The following MAN1A1 variants were observed in gnomAD, a reference collection of about 807,000 sequenced individuals.
MAN1A1 encodes the protein mannosidase alpha class 1A member 1, also known as mannosyl-oligosaccharide 1,2-alpha-mannosidase IA.
Under a neutral mutation model 70.8 loss-of-function variants are expected in MAN1A1, and 29 were observed. That is an observed-to-expected ratio of 0.41 (90% CI 0.31 to 0.56). The LOEUF (loss-of-function observed/expected upper bound fraction) is 0.56. Ranked by LOEUF, MAN1A1 falls within the 20% of genes least tolerant of loss-of-function variation. The pLI is 0.29. For synonymous variants in MAN1A1, 349 were observed against 330.1 expected (o/e 1.06, Z -0.62); for missense variants, 747 against 841.3 (o/e 0.89, Z 1.39).
rs1773082957 is a variant in MAN1A1 at position 119,179,232 on chromosome 6, T to G, written c.*587A>C. ...AAATGAGGTCAACATGACATGATCC[T>G]TTTGGAATGACTTTCTAATTTGAAT... is the stretch of plus-strand genomic sequence containing the variant. On this transcript the variant is annotated 3_prime_UTR_variant, in exon 13 of 13. Transcript: ENST00000368468. 6.6e-6 allele frequency: 1 copy of G among 152,620 alleles called. No individual in the cohort carries two copies. Among genetic ancestry groups the G allele is most frequent in the Non-Finnish European group, 1.5e-5 (1 of 68,012 alleles). 9.5% of individuals were successfully genotyped at this position (152,620 alleles called of 1,614,324 possible).
intron 5 of MAN1A1, among the ~76,000 whole-genome samples, chr6:119,264,300 AC>A (rs1318194932): frequency 6.6e-6 from 1 of 152,242 alleles, no homozygotes; most frequent in Non-Finnish European, 1.5e-5. Flanking sequence ...AACTAGGTTA[AC>A]TCAGGTAATT....
At chr6:119,218,500 T>C (rs990547048) in intron 6 of MAN1A1, among the ~76,000 whole-genome samples, 33 of 152,186 alleles carry the variant, frequency 2.2e-4, no homozygotes, top group African/African-American at 7.5e-4. Flanking sequence ...CTATCAAATA[T>C]TAAACCACCG....
intron 5 of MAN1A1, among the ~76,000 whole-genome samples, chr6:119,283,779 C>T (rs1209971414): frequency 1.3e-5 from 2 of 152,042 alleles, no homozygotes; most frequent in Non-Finnish European, 2.9e-5. Context: ...AAAAGGTAGG[C>T]TGAGGCTGAA....
At chr6:119,182,665 G>A (rs967304148) in intron 11 of MAN1A1, among the ~76,000 whole-genome samples, 7 of 151,794 alleles carry the variant, frequency 4.6e-5, no homozygotes, top group East Asian at 1.9e-4. Flanking sequence ...AATTTCCATC[G>A]TACAAAAATT....
At chr6:119,209,699 C>G (rs995634933) in intron 6 of MAN1A1, among the ~76,000 whole-genome samples, 1 of 152,174 alleles carries the variant, frequency 6.6e-6, no homozygotes, top group Non-Finnish European at 1.5e-5. Context: ...CTTACAAACG[C>G]GTCCTTCCTG....
chr6:119,231,907 C>A (rs899046789), intron 6 of MAN1A1, among the ~76,000 whole-genome samples: 1 of 152,106 alleles, frequency 6.6e-6, no homozygotes, highest in African/African-American at 2.4e-5. Context: ...TATATAGTTG[C>A]CACTTTTAAC....
chr6:119,338,445 A>G (rs1389907331), intron 2 of MAN1A1, among the ~76,000 whole-genome samples: 1 of 152,204 alleles, frequency 6.6e-6, no homozygotes, highest in Non-Finnish European at 1.5e-5. Context: ...GGCCTCTCAC[A>G]TACAAAAGAT....
At position 119,191,759 on chromosome 6, in the gene MAN1A1, C is replaced by T. The variant is rs140660479; in HGVS notation, c.1327-1876G>A. Among the ~76,000 whole-genome samples, 1,083 of 152,242 alleles carry T rather than the reference C, an allele frequency of 7.1e-3. 9 individuals are homozygous for T. Among genetic ancestry groups the T allele is most frequent in the Middle Eastern group, 0.02 (6 of 294 alleles). On this transcript the variant is annotated intron_variant, in intron 9 of 12. Transcript: ENST00000368468. ...ATTAAAATAATCAAATAAAACATAT[C>T]ACTCTGGGATTAAATGCTTCCCAAA...
chr6:119,350,485 GTA>G (rs1773884072), upstream of MAN1A1: 1 of 981,610 alleles, frequency 1.0e-6, no homozygotes, highest in Non-Finnish European at 1.2e-6. Context: ...GAAAAAACTT[GTA>G]TGTCTCTCCC....
rs763795127 is a variant in MAN1A1, at chr6:119,189,733, T to C, written c.1477A>G (p.Met493Val). 1.6e-5 allele frequency: 26 copies of C among 1,614,010 alleles called. No individual in the cohort carries two copies. The South Asian group carries it at 2.4e-4, about 15-fold the overall frequency. ...CCGAGTTCAAGGTAGTGTTGGGCCA[T>C]GCCTTCGGGAGCTGCATCAGCCCCG... is the stretch of plus-strand genomic sequence containing the variant. ...ALGADAAPEGMAQHYLELGAE... is the reference protein window; with the variant it reads ...ALGADAAPEGVAQHYLELGAE... The change falls in exon 10 of 13, where the codon ATG becomes GTG. Residue 493 changes from methionine (M) to valine (V), a missense_variant. Around this residue, in one of 2 missense-constraint regions of MAN1A1, gnomAD observed 419 missense variants for 548.2 expected, o/e 0.76. Transcript: ENST00000368468.
At chr6:119,249,617 C>A (rs1347670942) in intron 5 of MAN1A1, among the ~76,000 whole-genome samples, 1 of 152,080 alleles carries the variant, frequency 6.6e-6, no homozygotes, top group East Asian at 1.9e-4. Flanking sequence ...ACTGGGGAAG[C>A]ATTCACTAAA....
chr6:119,325,166 C>A (rs1209258232), intron 2 of MAN1A1, among the ~76,000 whole-genome samples: 4 of 152,096 alleles, frequency 2.6e-5, no homozygotes, highest in African/African-American at 9.7e-5. Flanking sequence ...CAAAGTTGGG[C>A]CTATATTTAC....
intron 5 of MAN1A1, among the ~76,000 whole-genome samples, chr6:119,284,333 T>C (rs999543855): frequency 2.0e-5 from 3 of 152,076 alleles, no homozygotes; most frequent in African/African-American, 7.2e-5. Context: ...GGACACTATA[T>C]AAAAACATGC....
Position 119,189,895 on chromosome 6 carries a change from A to G in MAN1A1, c.1327-12T>C. Reference sequence around the variant, plus strand: ...TGAGTCTCGATAGCCTGTGAAAAACACTTATTTTTTAACATTTTGTAATCT... The same window carrying G: ...TGAGTCTCGATAGCCTGTGAAAAACGCTTATTTTTTAACATTTTGTAATCT... On this transcript the variant is annotated splice_polypyrimidine_tract_variant and intron_variant, in intron 9 of 12. Coordinates refer to ENST00000368468, the MANE Select transcript of MAN1A1 (RefSeq NM_005907.4). 2 of 1,595,440 alleles carry G rather than the reference A, an allele frequency of 1.3e-6. No individual in the cohort carries two copies. The highest frequency in any genetic ancestry group is 8.6e-7 in the Non-Finnish European group (1 of 1,164,578).
At chr6:119,203,547 G>C (rs904203511) in intron 7 of MAN1A1, among the ~76,000 whole-genome samples, 1 of 152,134 alleles carries the variant, frequency 6.6e-6, no homozygotes, top group South Asian at 2.1e-4. Context: ...GGTGAGGAAG[G>C]GGTGGTCAGG....
chr6:119,318,955 T>C (rs1487221958), intron 2 of MAN1A1, among the ~76,000 whole-genome samples: 2 of 152,222 alleles, frequency 1.3e-5, no homozygotes, highest in African/African-American at 4.8e-5. Context: ...TGCTCAATAT[T>C]ACTAGCTTGA....
chr6:119,307,111 T>C (rs1200914268), intron 2 of MAN1A1, 119 bp from the exon 3 acceptor site: 6 of 652,162 alleles, frequency 9.2e-6, no homozygotes, highest in Middle Eastern at 4.0e-4. Context: ...AAAGGATGAC[T>C]AAGTAAAAGA....
chr6:119,198,852 C>A (rs78860811), intron 8 of MAN1A1, among the ~76,000 whole-genome samples: 2 of 152,180 alleles, frequency 1.3e-5, no homozygotes. Flanking sequence ...TTTTAACAGG[C>A]TTTTCACACA....
intron 5 of MAN1A1, among the ~76,000 whole-genome samples, chr6:119,276,604 T>C (rs1776073023): frequency 6.6e-6 from 1 of 152,246 alleles, no homozygotes; most frequent in African/African-American, 2.4e-5. Context: ...CTGGAGTTAT[T>C]TGCCTTAATA....
Sources: gnomAD v4.1 joint callset for allele counts (sites outside exome capture counted in the v4.1 genomes callset) on GRCh38, gnomAD v4.1.1 for gene constraint, gnomAD v4.1.1 regional missense constraint, MANE v1.5 for transcripts, NCBI Gene and HGNC (gene_info 2026-07-23, HGNC 2026-07-21) for gene names.